The following CDH4 variants were observed in gnomAD, a reference collection of about 807,000 sequenced individuals.
CDH4 encodes cadherin 4.
A neutral mutation model predicts 86.0 loss-of-function variants in CDH4; 33 were observed. That is an observed-to-expected ratio of 0.38 (90% CI 0.29 to 0.51). The LOEUF (loss-of-function observed/expected upper bound fraction) is 0.51. CDH4 is among the 20% of genes least tolerant of loss of function. The pLI, the probability that CDH4 is intolerant of heterozygous loss-of-function variation, is 0.86. For missense variants in CDH4, 1,114 were observed against 1,307.4 expected (o/e 0.85, Z 2.28); for synonymous variants, 555 against 549.4 (o/e 1.01, Z -0.14).
At chr20:61,528,238 G>A (rs959321883) in intron 2 of CDH4, among the ~76,000 whole-genome samples, 2 of 151,460 alleles carry the variant, frequency 1.3e-5, no homozygotes, top group Non-Finnish European at 2.9e-5. Context: ...TTAGCTGGGA[G>A]TGGTGGTGTG....
chr20:61,458,231 G>A (rs2085420546), intron 2 of CDH4, among the ~76,000 whole-genome samples: 1 of 151,646 alleles, frequency 6.6e-6, no homozygotes, highest in African/African-American at 2.4e-5. Flanking sequence ...GATGGTGGTG[G>A]CAGTGATGGT....
At chr20:61,387,177 CACACACACAG>C (rs138948669) in intron 2 of CDH4, among the ~76,000 whole-genome samples, 37,497 of 151,884 alleles carry the variant, frequency 0.25, 4,949 homozygotes, top group African/African-American at 0.34. Context: ...ATATGACACA[CACACACACAG>C]ACACACACAC....
intron 4 of CDH4, among the ~76,000 whole-genome samples, chr20:61,812,091 C>T (rs1168231182): frequency 3.9e-5 from 6 of 152,056 alleles, no homozygotes; most frequent in Admixed American, 1.3e-4. Flanking sequence ...GCACTCTCAC[C>T]GTGCCTTAGT....
At chr20:61,375,382 GTGGTGATCA>G (rs1333133950) in intron 2 of CDH4, among the ~76,000 whole-genome samples, 2 of 152,028 alleles carry the variant, frequency 1.3e-5, no homozygotes, top group African/African-American at 2.4e-5. Flanking sequence ...TGGTTGGATT[GTGGTGATCA>G]TGGTGATCAT....
At chr20:61,372,632 C>T (rs929897483) in intron 2 of CDH4, among the ~76,000 whole-genome samples, 18 of 152,218 alleles carry the variant, frequency 1.2e-4, no homozygotes, top group Non-Finnish European at 1.2e-4. Context: ...TCTTGGTCCC[C>T]CTGGCATGGC....
chr20:61,572,829 A>G (rs1429486731), intron 2 of CDH4, among the ~76,000 whole-genome samples: 1 of 136,138 alleles, frequency 7.3e-6, no homozygotes, highest in Non-Finnish European at 1.6e-5. Context: ...AACACTATGG[A>G]TGGATGGATG....
chr20:61,923,820 G>A (rs1361168508), intron 10 of CDH4, 116 bp downstream of exon 10: 19 of 1,330,216 alleles, frequency 1.4e-5, no homozygotes, highest in Non-Finnish European at 1.9e-5. Context: ...GGGTGGTCGG[G>A]GGCATCTCCA....
chr20:61,787,455 A>G (rs896574766), intron 4 of CDH4, among the ~76,000 whole-genome samples: 2 of 152,214 alleles, frequency 1.3e-5, no homozygotes, highest in African/African-American at 4.8e-5. Flanking sequence ...CACGAGCGCA[A>G]CATGGAGGTA....
intron 2 of CDH4, among the ~76,000 whole-genome samples, chr20:61,388,677 T>A (rs2084965151): frequency 6.6e-6 from 1 of 152,228 alleles, no homozygotes; most frequent in Middle Eastern, 3.2e-3. Flanking sequence ...CAGCTTGATT[T>A]TTAAAGCTAG....
intron 2 of CDH4, among the ~76,000 whole-genome samples, chr20:61,285,102 T>G (rs2123172492): frequency 6.6e-6 from 1 of 152,232 alleles, no homozygotes; most frequent in African/African-American, 2.4e-5. Context: ...TGTTTGTTTG[T>G]TTGTTTTCAG....
At chr20:61,818,212 A>G (rs1054656211) in intron 4 of CDH4, among the ~76,000 whole-genome samples, 1 of 152,056 alleles carries the variant, frequency 6.6e-6, no homozygotes, top group African/African-American at 2.4e-5. Context: ...TATTTCAGCA[A>G]CACTATCTCA....
intron 2 of CDH4, among the ~76,000 whole-genome samples, chr20:61,455,699 T>A (rs1478567224): frequency 6.6e-6 from 1 of 152,080 alleles, no homozygotes; most frequent in Non-Finnish European, 1.5e-5. Flanking sequence ...TCCCTAGACA[T>A]TGGAAAAACC....
At chr20:61,665,689 G>A (rs2087315403) in intron 2 of CDH4, among the ~76,000 whole-genome samples, 1 of 152,156 alleles carries the variant, frequency 6.6e-6, no homozygotes, top group African/African-American at 2.4e-5. Flanking sequence ...TTTTTGATGA[G>A]GTGTGCACGC....
chr20:61,318,078 G>A (rs1001664046), intron 2 of CDH4, among the ~76,000 whole-genome samples: 3 of 152,084 alleles, frequency 2.0e-5, no homozygotes, highest in Admixed American at 2.0e-4. Context: ...CCCGGCTGGA[G>A]GGACACTTTT....
chr20:61,693,048 G>A (rs922800175), intron 2 of CDH4, among the ~76,000 whole-genome samples: 2 of 152,120 alleles, frequency 1.3e-5, no homozygotes, highest in Non-Finnish European at 2.9e-5. Context: ...GCTGGGTCTC[G>A]AATGGCTATT....
In CDH4 at chr20:61,659,521, G is replaced by A. The variant is rs911889182; in HGVS notation, c.170-84042G>A. On this transcript the variant is annotated intron_variant, in intron 2 of 15. Coordinates refer to ENST00000614565, the MANE Select transcript of CDH4 (RefSeq NM_001794.5). Reference sequence around the variant, plus strand: ...TTTCAAGTGAGCGAAGGGTCTCAGCGGCTTGGAGACAGGAGGAGGGTGGGC... The same window carrying A: ...TTTCAAGTGAGCGAAGGGTCTCAGCAGCTTGGAGACAGGAGGAGGGTGGGC... Among the ~76,000 whole-genome samples, 17 of 152,232 alleles carry A rather than the reference G, an allele frequency of 1.1e-4. No individual in the cohort carries two copies. The East Asian group carries it at 1.2e-3, about 10-fold the overall frequency.
At chr20:61,771,010 C>CTTTTTTTTTTTTTTTTT (rs756131628) in intron 3 of CDH4, among the ~76,000 whole-genome samples, 1 of 130,376 alleles carries the variant, frequency 7.7e-6, no homozygotes, top group African/African-American at 2.8e-5. Flanking sequence ...TTCTTTTTTT[C>CTTTTTTTTTTTTTTTTT]TTTTTTTTTT....
chr20:61,319,281 G>A (rs1019992757), intron 2 of CDH4, among the ~76,000 whole-genome samples: 3 of 152,096 alleles, frequency 2.0e-5, no homozygotes, highest in Non-Finnish European at 4.4e-5. Context: ...GGAAGGTGAC[G>A]TGTGTAGGGC....
intron 2 of CDH4, among the ~76,000 whole-genome samples, chr20:61,460,399 GAAAC>G (rs1166437674): frequency 6.6e-6 from 1 of 152,208 alleles, no homozygotes; most frequent in Non-Finnish European, 1.5e-5. Flanking sequence ...CTGGGCCCCA[GAAAC>G]CTTGATGCCT....
Sources: gnomAD v4.1 joint callset for allele counts (sites outside exome capture counted in the v4.1 genomes callset) on GRCh38, gnomAD v4.1.1 for gene constraint, MANE v1.5 for transcripts, NCBI Gene and HGNC (gene_info 2026-07-23, HGNC 2026-07-21) for gene names.